Variants in CCSER1 observed in about 807,000 individuals in gnomAD.
CCSER1 encodes the protein coiled-coil serine rich protein 1.
Under a neutral mutation model 82.0 loss-of-function variants are expected in CCSER1, and 41 were observed. The ratio of observed to expected loss-of-function variants is 0.50; its 90% confidence interval spans 0.39 to 0.65. The LOEUF (loss-of-function observed/expected upper bound fraction) is 0.65. Among genes scored for constraint, CCSER1 ranks in the 30% least tolerant of loss-of-function variants. CCSER1 has a pLI of 0.00. For synonymous variants in CCSER1, 414 were observed against 383.9 expected (o/e 1.08, Z -0.92); for missense variants, 1,119 against 1,064.2 (o/e 1.05, Z -0.72).
At chr4:91,103,856 C>T (rs139797827) in intron 10 of CCSER1, among the ~76,000 whole-genome samples, 2,651 of 151,866 alleles carry the variant, frequency 0.017, 73 homozygotes, top group African/African-American at 0.06. Flanking sequence ...CCTGCGGGGT[C>T]GGGCAAAAAG....
intron 5 of CCSER1, among the ~76,000 whole-genome samples, chr4:90,573,802 T>A (rs1780390487): frequency 6.6e-6 from 1 of 152,236 alleles, no homozygotes; most frequent in Admixed American, 6.5e-5. Flanking sequence ...CAGTAGCCAA[T>A]TGACAAATAA....
At chr4:90,441,056 G>A (rs1045660529) in intron 4 of CCSER1, among the ~76,000 whole-genome samples, 1 of 152,194 alleles carries the variant, frequency 6.6e-6, no homozygotes, top group Non-Finnish European at 1.5e-5. Flanking sequence ...AAGGCCATTA[G>A]TTAGATTTAA....
At chr4:90,594,747 G>T (rs1395987642) in intron 5 of CCSER1, among the ~76,000 whole-genome samples, 1 of 151,972 alleles carries the variant, frequency 6.6e-6, no homozygotes, top group African/African-American at 2.4e-5. Flanking sequence ...TTTCATTTAA[G>T]AAATATATCA....
chr4:90,899,266 T>C (rs972133560), intron 8 of CCSER1, among the ~76,000 whole-genome samples: 5 of 152,150 alleles, frequency 3.3e-5, no homozygotes. Flanking sequence ...ATATTGTTGA[T>C]GTATAGAAAT....
Position 90,488,204 on chromosome 4 carries a change from C to T in CCSER1, c.1724+19850C>T, listed in dbSNP as rs192157839. Among the ~76,000 whole-genome samples, 457 of 151,926 alleles carry T rather than the reference C, an allele frequency of 3.0e-3. 4 individuals carry two copies. Among genetic ancestry groups the T allele is most frequent in the South Asian group, 0.015 (73 of 4,798 alleles). On this transcript the variant is annotated intron_variant, in intron 5 of 10. Transcript: ENST00000509176. ...TTTATTTTATTTATTTATTTTGAGACGGAGTCTCGCTCTGTTGCCCAGGCT... is the reference window on the plus strand; with the variant it reads ...TTTATTTTATTTATTTATTTTGAGATGGAGTCTCGCTCTGTTGCCCAGGCT...
chr4:90,800,497 A>C (rs1254157134), intron 7 of CCSER1, among the ~76,000 whole-genome samples: 1 of 152,136 alleles, frequency 6.6e-6, no homozygotes, highest in East Asian at 1.9e-4. Context: ...AGAATATGGC[A>C]TTTCCTAGCT....
At chr4:90,461,058 T>TAAAAATATATAAAGC (rs1560553037) in intron 4 of CCSER1, among the ~76,000 whole-genome samples, 2 of 86,384 alleles carry the variant, frequency 2.3e-5, no homozygotes, top group Non-Finnish European at 4.1e-5. Context: ...AGGCTATTTT[T>TAAAAATATATAAAGC]TTTTTTTTTT....
At chr4:91,304,495 A>G (rs1305070758) in intron 10 of CCSER1, among the ~76,000 whole-genome samples, 1 of 152,044 alleles carries the variant, frequency 6.6e-6, no homozygotes, top group Non-Finnish European at 1.5e-5. Flanking sequence ...TCATCATTTT[A>G]TACACTGAGA....
chr4:90,310,393 T>A (rs1198642903), intron 2 of CCSER1, among the ~76,000 whole-genome samples: 2 of 152,096 alleles, frequency 1.3e-5, no homozygotes, highest in Non-Finnish European at 2.9e-5. Flanking sequence ...TTCCTTTTTC[T>A]CTACTATCAT....
intron 10 of CCSER1, among the ~76,000 whole-genome samples, chr4:91,322,202 T>C (rs1746244288): frequency 6.6e-6 from 1 of 152,138 alleles, no homozygotes; most frequent in Non-Finnish European, 1.5e-5. Flanking sequence ...CTTCACTTTT[T>C]ATTTTTAATA....
intron 1 of CCSER1, among the ~76,000 whole-genome samples, chr4:90,227,608 G>A (rs1008280805): frequency 2.6e-5 from 4 of 152,152 alleles, no homozygotes; most frequent in Non-Finnish European, 5.9e-5. Flanking sequence ...TAGAGCTTAT[G>A]GGGGGAGGAG....
At chr4:90,494,190 G>A (rs1205746028) in intron 5 of CCSER1, among the ~76,000 whole-genome samples, 1 of 152,116 alleles carries the variant, frequency 6.6e-6, no homozygotes, top group Non-Finnish European at 1.5e-5. Context: ...AATGGTAAAG[G>A]GATCAATTCC....
intron 10 of CCSER1, among the ~76,000 whole-genome samples, chr4:91,113,503 T>A (rs1726266381): frequency 6.6e-6 from 1 of 152,226 alleles, no homozygotes; most frequent in Non-Finnish European, 1.5e-5. Context: ...AGGTGGGATT[T>A]AAATTTCTGC....
At chr4:91,193,415 G>C (rs1735162995) in intron 10 of CCSER1, among the ~76,000 whole-genome samples, 1 of 152,086 alleles carries the variant, frequency 6.6e-6, no homozygotes, top group African/African-American at 2.4e-5. Context: ...GGATGAAAAG[G>C]GAAAATGAAG....
chr4:90,170,240 A>G (rs1731374797), intron 1 of CCSER1, among the ~76,000 whole-genome samples: 1 of 152,032 alleles, frequency 6.6e-6, no homozygotes, highest in Admixed American at 6.6e-5. Flanking sequence ...TATTGTTTCT[A>G]TCTTAGAAAT....
chr4:90,403,499 A>AG (rs1491384667), intron 4 of CCSER1, among the ~76,000 whole-genome samples: 1 of 121,370 alleles, frequency 8.2e-6, no homozygotes, highest in African/African-American at 3.2e-5. Context: ...ACTCCGTCTC[A>AG]AAAAAAAAAA....
At chr4:91,501,238 CTTTTTA>C (rs908105747) in intron 10 of CCSER1, among the ~76,000 whole-genome samples, 1 of 151,738 alleles carries the variant, frequency 6.6e-6, no homozygotes, top group Non-Finnish European at 1.5e-5. Context: ...TCTAGAATTT[CTTTTTA>C]TTTATGATCC....
intron 5 of CCSER1, among the ~76,000 whole-genome samples, chr4:90,541,494 T>C (rs1461320488): frequency 6.6e-6 from 1 of 152,090 alleles, no homozygotes; most frequent in East Asian, 1.9e-4. Context: ...ACTTAACAAC[T>C]ATGAATGTGA....
intron 9 of CCSER1, among the ~76,000 whole-genome samples, chr4:90,925,239 A>G (rs1461051272): frequency 1.3e-5 from 2 of 152,162 alleles, no homozygotes; most frequent in African/African-American, 4.8e-5. Context: ...ACTTACTTCA[A>G]GCCCCCAAAT....
Sources: allele counts gnomAD v4.1 joint callset (sites outside exome capture counted in the v4.1 genomes callset), GRCh38; gene constraint gnomAD v4.1.1; transcripts MANE v1.5; gene names NCBI Gene and HGNC (gene_info 2026-07-23, HGNC 2026-07-21).